The following VPS36 variants were observed in gnomAD, a reference collection of about 807,000 sequenced individuals.
The protein encoded by VPS36 is vacuolar protein-sorting-associated protein 36.
In VPS36, 31 loss-of-function variants were observed where a neutral mutation model predicts 63.5. That is an observed-to-expected ratio of 0.49 (90% CI 0.37 to 0.66). VPS36 has a LOEUF of 0.66. Among genes scored for constraint, VPS36 ranks in the 30% least tolerant of loss-of-function variants. VPS36 has a pLI of 0.00. For missense variants in VPS36, 338 were observed against 463.7 expected (o/e 0.73, Z 2.49); for synonymous variants, 138 against 157.2 (o/e 0.88, Z 0.91).
rs537298423 is a variant in VPS36 at position 52,414,245 on chromosome 13, G to C, written c.*1585C>G. 1 of 152,274 alleles carries C rather than the reference G, an allele frequency of 6.6e-6. No homozygotes were observed. Among genetic ancestry groups the C allele is most frequent in the East Asian group, 1.9e-4 (1 of 5,176 alleles). 9.4% of individuals were successfully genotyped at this position (152,274 alleles called of 1,614,324 possible). On this transcript the variant is annotated 3_prime_UTR_variant, in exon 14 of 14. Transcript: ENST00000378060. ...TGAGACAGTAAGTACCAACCAGAAA[G>C]AGGTGAGACATACAAACAAGCTTAC...
At chr13:52,438,903 G>A (rs578238941) in intron 3 of VPS36, among the ~76,000 whole-genome samples, 195 bp downstream of exon 3, 9 of 152,222 alleles carry the variant, frequency 5.9e-5, no homozygotes, top group East Asian at 1.9e-4. Flanking sequence ...AAGTGTCTAC[G>A]GAAAGACAAT....
At chr13:52,448,775 T>C (rs1958370068) in intron 1 of VPS36, among the ~76,000 whole-genome samples, 2 of 152,330 alleles carry the variant, frequency 1.3e-5, no homozygotes, top group South Asian at 4.1e-4. Context: ...TGGAGTTCCA[T>C]AGAACAGTAT....
chr13:52,444,196 G>A (rs747434298), intron 1 of VPS36, among the ~76,000 whole-genome samples: 2 of 152,130 alleles, frequency 1.3e-5, no homozygotes, highest in African/African-American at 4.8e-5. Context: ...CATGGCTCAC[G>A]CCTATAATCC....
chr13:52,439,838 A>G (rs1455708577), intron 2 of VPS36, among the ~76,000 whole-genome samples: 2 of 152,244 alleles, frequency 1.3e-5, no homozygotes, highest in Non-Finnish European at 2.9e-5. Context: ...AATCAGATAC[A>G]TCAAGATAAT....
rs745826476 is a variant in VPS36, at chr13:52,427,184, T to C, written c.561+3A>G. The C allele has an allele frequency of 1.4e-5, 23 of 1,613,176 alleles. No homozygotes were observed. In the Admixed American group the frequency reaches 2.5e-4, roughly 18 times the overall value. ...GAATTTAATAGGCATAAATGACATATACCTTGATCATTAGTTTGCTGAGGT... is the reference window on the plus strand; with the variant it reads ...GAATTTAATAGGCATAAATGACATACACCTTGATCATTAGTTTGCTGAGGT... On this transcript the variant is annotated splice_donor_region_variant and intron_variant, in intron 7 of 13. Transcript: ENST00000378060.
chr13:52,418,592 A>T (rs1449147537), intron 10 of VPS36, among the ~76,000 whole-genome samples: 5 of 150,186 alleles, frequency 3.3e-5, no homozygotes, highest in Admixed American at 2.0e-4. Context: ...AAAAAAAAAA[A>T]AAAAAAGTAA....
chr13:52,430,712 C>T (rs937726739), intron 6 of VPS36, among the ~76,000 whole-genome samples: 7 of 151,608 alleles, frequency 4.6e-5, no homozygotes, highest in African/African-American at 1.7e-4. Flanking sequence ...TGAAAAAGCA[C>T]AGCACGCACC....
In VPS36 at chr13:52,414,432, C is replaced by T. The variant is rs1957975039; in HGVS notation, c.*1398G>A. The stretch of plus-strand genomic sequence containing the variant: ...AAAAACTAAAGTGGGATGTCTCAGG[C>T]ACAGCATTCCTGTGACACTGGAGGA... On this transcript the variant is annotated 3_prime_UTR_variant, in exon 14 of 14. Coordinates refer to ENST00000378060, the MANE Select transcript of VPS36 (RefSeq NM_016075.4). The T allele has an allele frequency of 2.0e-5, 3 of 152,176 alleles. No individual in the cohort carries two copies. Among genetic ancestry groups the T allele is most frequent in the Admixed American group, 2.0e-4 (3 of 15,266 alleles). The allele number at this position is 152,176 out of a possible 1,614,324, so 9.4% of individuals were successfully genotyped here. A position where few individuals can be genotyped will look rare whatever the true frequency, so the allele number is the denominator to read the frequency against.
intron 5 of VPS36, among the ~76,000 whole-genome samples, chr13:52,434,219 G>A (rs1487383262): frequency 6.6e-6 from 1 of 152,118 alleles, no homozygotes; most frequent in African/African-American, 2.4e-5. Flanking sequence ...TCTCTCAAAT[G>A]TCACACTGAT....
intron 3 of VPS36, among the ~76,000 whole-genome samples, chr13:52,437,598 A>G (rs1276665652): frequency 6.6e-6 from 1 of 152,184 alleles, no homozygotes; most frequent in Non-Finnish European, 1.5e-5. Flanking sequence ...ACATTCTTTT[A>G]TCAAGTCATC....
intron 10 of VPS36, among the ~76,000 whole-genome samples, chr13:52,419,361 C>CA (rs1191221840): frequency 6.6e-6 from 1 of 152,188 alleles, no homozygotes; most frequent in Non-Finnish European, 1.5e-5. Flanking sequence ...CGAGTTGATT[C>CA]AAAAGAGTTA....
intron 1 of VPS36, among the ~76,000 whole-genome samples, chr13:52,446,302 G>C (rs1958343049): frequency 6.6e-6 from 1 of 150,662 alleles, no homozygotes; most frequent in African/African-American, 2.4e-5. Context: ...CTGCATTATA[G>C]AACATATAGT....
In VPS36 at chr13:52,434,683, C is replaced by T. The variant is rs532353621; in HGVS notation, c.441+110G>A. ...GAAAATAAATTCTTTATAAGAATAC[C>T]ATTGCAGTATTTTGTTTTGGGCAAG... On this transcript the variant is annotated intron_variant, in intron 5 of 13. Transcript: ENST00000378060. 188 of 1,010,414 alleles carry T rather than the reference C, an allele frequency of 1.9e-4. 2 individuals are homozygous for T. The African/African-American group carries it at 2.8e-3, about 15-fold the overall frequency. The allele number at this position is 1,010,414 out of a possible 1,614,324, so 62.6% of individuals were successfully genotyped here. A position where few individuals can be genotyped will look rare whatever the true frequency, so the allele number is the denominator to read the frequency against.
chr13:52,423,902 G>A (rs1002780472), intron 9 of VPS36, among the ~76,000 whole-genome samples: 2 of 151,822 alleles, frequency 1.3e-5, no homozygotes, highest in African/African-American at 4.8e-5. Context: ...CTGTCACCCA[G>A]GCCAGAGTGC....
chr13:52,429,463 C>A, intron 6 of VPS36: 1 of 176,060 alleles, frequency 5.7e-6, no homozygotes. Context: ...ATGTTATACA[C>A]CCCTGCTGCA....
At chr13:52,438,889 A>C (rs1258945411) in intron 3 of VPS36, among the ~76,000 whole-genome samples, 1 of 152,242 alleles carries the variant, frequency 6.6e-6, no homozygotes, top group East Asian at 1.9e-4. Flanking sequence ...GGGATGTGAA[A>C]GCAAAGTGTC....
intron 1 of VPS36, among the ~76,000 whole-genome samples, chr13:52,449,764 C>T (rs1958380785): frequency 1.3e-5 from 2 of 152,224 alleles, no homozygotes; most frequent in African/African-American, 4.8e-5. Context: ...TTTCTCCTCT[C>T]GATTTGCAAA....
rs781170237 is a variant in VPS36, at chr13:52,450,622, C to G, written c.-28G>C. 41 of 1,544,410 alleles carry G rather than the reference C, an allele frequency of 2.7e-5. No homozygotes were observed. The Admixed American group carries it at 6.6e-4, about 25-fold the overall frequency. ...CCGCTGCCACCCAGCCCCGGCCCTC[C>G]GAGGCCGCGAGCAGCGCGCCAGGCA... On this transcript the variant is annotated 5_prime_UTR_variant, in exon 1 of 14. Transcript: ENST00000378060.
intron 1 of VPS36, among the ~76,000 whole-genome samples, chr13:52,446,265 G>GA (rs1304355658): frequency 0.025 from 2,626 of 104,470 alleles, 26 homozygotes; most frequent in African/African-American, 0.047. Flanking sequence ...GATTCCGTCT[G>GA]AAAAAAAAAA....
Sources: gnomAD v4.1 joint callset for allele counts (sites outside exome capture counted in the v4.1 genomes callset) on GRCh38, gnomAD v4.1.1 for gene constraint, MANE v1.5 for transcripts, NCBI Gene and HGNC (gene_info 2026-07-23, HGNC 2026-07-21) for gene names.